DTD1: variants seen among roughly 807,000 people sequenced by gnomAD.
DTD1 encodes D-aminoacyl-tRNA deacylase 1.
DTD1 carries 13 observed loss-of-function variants against 25.6 expected under a neutral mutation model. The observed-to-expected ratio is 0.51, with a 90% CI of 0.33 to 0.81. The LOEUF (loss-of-function observed/expected upper bound fraction) is 0.81, where lower values mean the gene tolerates loss of function less well. Ranked by LOEUF, DTD1 falls within the 30% of genes least tolerant of loss-of-function variation. The pLI is 0.02. For missense variants in DTD1, 193 were observed against 266.4 expected (o/e 0.72, Z 1.92); for synonymous variants, 110 against 103.6 (o/e 1.06, Z -0.37).
At position 18,687,518 on chromosome 20, in the gene DTD1, T is replaced by C. The variant is rs186180061; in HGVS notation, c.478-56582T>C. On this transcript the variant is annotated intron_variant, in intron 4 of 5. Coordinates refer to ENST00000377452, the MANE Select transcript of DTD1 (RefSeq NM_080820.6). Reference sequence around the variant, plus strand: ...GTAAAAGGAGGTATTTATAGTGTATTATGTTTGTAAAACATAAATAAAGGG... The same window carrying C: ...GTAAAAGGAGGTATTTATAGTGTATCATGTTTGTAAAACATAAATAAAGGG... Among the ~76,000 whole-genome samples, 5 of 152,322 alleles carry C rather than the reference T, an allele frequency of 3.3e-5. No individual in the cohort carries two copies. The East Asian group carries it at 9.6e-4, about 29-fold the overall frequency.
At position 18,704,308 on chromosome 20, in the gene DTD1, G is replaced by A. The variant is rs57702948; in HGVS notation, c.478-39792G>A. On this transcript the variant is annotated intron_variant, in intron 4 of 5. Transcript: ENST00000377452. ...AGCCACCACGCCCAGCCAGTAGTTCGTAGCTTTACAGGCAGGTCATTTGGT... is the reference window on the plus strand; with the variant it reads ...AGCCACCACGCCCAGCCAGTAGTTCATAGCTTTACAGGCAGGTCATTTGGT... 9.0e-3 allele frequency among the ~76,000 whole-genome samples: 1,366 copies of A among 152,240 alleles called. 21 individuals are homozygous for A. Among genetic ancestry groups the A allele is most frequent in the African/African-American group, 0.031 (1,300 of 41,538 alleles).
At chr20:18,748,044 C>G (rs1181711222) in intron 5 of DTD1, among the ~76,000 whole-genome samples, 1 of 151,698 alleles carries the variant, frequency 6.6e-6, no homozygotes, top group Non-Finnish European at 1.5e-5. Context: ...ACGAACAAAA[C>G]AAAACAAAAA....
intron 5 of DTD1, among the ~76,000 whole-genome samples, chr20:18,752,692 G>A (rs185625675): frequency 2.6e-4 from 40 of 152,254 alleles, no homozygotes; most frequent in Non-Finnish European, 4.7e-4. Context: ...TCTGATTCTG[G>A]GGATCTTTTT....
intron 4 of DTD1, among the ~76,000 whole-genome samples, chr20:18,714,068 A>G (rs1015262515): frequency 6.6e-6 from 1 of 152,178 alleles, no homozygotes; most frequent in Admixed American, 6.5e-5. Flanking sequence ...CATCTGTCAG[A>G]TGGGGGTGAC....
intron 5 of DTD1, among the ~76,000 whole-genome samples, chr20:18,750,458 A>G (rs1287989795): frequency 1.3e-5 from 2 of 152,160 alleles, no homozygotes; most frequent in Non-Finnish European, 2.9e-5. Context: ...CCCTAAGGGG[A>G]GCAGCTTTGA....
At chr20:18,682,962 A>G (rs1228153471) in intron 4 of DTD1, among the ~76,000 whole-genome samples, 3 of 152,242 alleles carry the variant, frequency 2.0e-5, no homozygotes, top group Non-Finnish European at 2.9e-5. Context: ...TTCAGGACTC[A>G]TATTGTTGCC....
At chr20:18,600,542 G>A (rs907840050) in intron 3 of DTD1, among the ~76,000 whole-genome samples, 2 of 152,096 alleles carry the variant, frequency 1.3e-5, no homozygotes, top group African/African-American at 4.8e-5. Flanking sequence ...GTGTCAGCCC[G>A]TTAACTTTGT....
At position 18,615,452 on chromosome 20, in the gene DTD1, A is replaced by G. The variant is rs982933333; in HGVS notation, c.371-12675A>G. 9.8e-4 allele frequency among the ~76,000 whole-genome samples: 150 copies of G among 152,330 alleles called. 1 individual carries two copies. The highest frequency in any genetic ancestry group is 1.9e-4 in the Non-Finnish European group (13 of 68,024). Reference sequence around the variant, plus strand: ...GGAAACTGGGTCACTTGTATCCTCAACAGCCCTTCAGGGATCTCCAGCCTT... The same window carrying G: ...GGAAACTGGGTCACTTGTATCCTCAGCAGCCCTTCAGGGATCTCCAGCCTT... On this transcript the variant is annotated intron_variant, in intron 3 of 5. Coordinates refer to ENST00000377452, the MANE Select transcript of DTD1 (RefSeq NM_080820.6).
chr20:18,733,213 C>T (rs2061244612), intron 4 of DTD1, among the ~76,000 whole-genome samples: 1 of 152,178 alleles, frequency 6.6e-6, no homozygotes, highest in African/African-American at 2.4e-5. Context: ...CTTAGCACCC[C>T]ATGTCTCATT....
Position 18,733,444 on chromosome 20 carries a change from G to T in DTD1, c.478-10656G>T, listed in dbSNP as rs573183671. On this transcript the variant is annotated intron_variant, in intron 4 of 5. Transcript: ENST00000377452. ...AGTGGGCTCTGGCAGTGTCTGTGGT[G>T]GGGAGCTGACAAAGAGGTTTTGAGG... 9.2e-5 allele frequency among the ~76,000 whole-genome samples: 14 copies of T among 152,284 alleles called. No individual in the cohort carries two copies. In the South Asian group the frequency reaches 2.3e-3, roughly 25 times the overall value.
At chr20:18,646,343 G>A (rs1234952089) in intron 4 of DTD1, among the ~76,000 whole-genome samples, 1 of 152,188 alleles carries the variant, frequency 6.6e-6, no homozygotes, top group Non-Finnish European at 1.5e-5. Flanking sequence ...CATGGAGCTT[G>A]TGGGCCGCAT....
chr20:18,596,515 TTTGA>T (rs67799537), intron 3 of DTD1, among the ~76,000 whole-genome samples: 3,854 of 152,312 alleles, frequency 0.025, 73 homozygotes, highest in Non-Finnish European at 0.035. Flanking sequence ...GTGGTATTTC[TTTGA>T]TTGTTTAGCT....
At chr20:18,596,916 G>A (rs989755937) in intron 3 of DTD1, among the ~76,000 whole-genome samples, 13 of 152,168 alleles carry the variant, frequency 8.5e-5, no homozygotes, top group African/African-American at 2.9e-4. Flanking sequence ...TTCATTGTTG[G>A]ATTATAACTG....
At chr20:18,734,342 A>G (rs1191732597) in intron 4 of DTD1, among the ~76,000 whole-genome samples, 2 of 152,236 alleles carry the variant, frequency 1.3e-5, no homozygotes, top group Non-Finnish European at 2.9e-5. Flanking sequence ...GAAGGGAAAG[A>G]TGAATCTCTA....
chr20:18,731,353 GT>G (rs1402119974), intron 4 of DTD1, among the ~76,000 whole-genome samples: 5 of 152,064 alleles, frequency 3.3e-5, no homozygotes, highest in Non-Finnish European at 7.4e-5. Flanking sequence ...CATTAGTTTG[GT>G]TTTCTGTAGA....
At chr20:18,668,997 C>T (rs16979460) in intron 4 of DTD1, among the ~76,000 whole-genome samples, 1 of 152,040 alleles carries the variant, frequency 6.6e-6, no homozygotes, top group Non-Finnish European at 1.5e-5. Flanking sequence ...ATCTGAGAGG[C>T]GCAGCTCACC....
At chr20:18,730,126 C>T (rs1180868624) in intron 4 of DTD1, among the ~76,000 whole-genome samples, 2 of 152,092 alleles carry the variant, frequency 1.3e-5, no homozygotes, top group African/African-American at 4.8e-5. Flanking sequence ...TTGTTTACTG[C>T]AGCCATTTAT....
chr20:18,663,342 G>T (rs1428724202), intron 4 of DTD1, among the ~76,000 whole-genome samples: 2 of 151,616 alleles, frequency 1.3e-5, no homozygotes, highest in East Asian at 3.9e-4. Context: ...AACATGGCGA[G>T]ACTCTGTATC....
intron 4 of DTD1, among the ~76,000 whole-genome samples, chr20:18,735,718 G>A (rs2061252482): frequency 6.6e-6 from 1 of 152,166 alleles, no homozygotes; most frequent in South Asian, 2.1e-4. Flanking sequence ...CAAAGAATAA[G>A]TCTTGAGTTG....
Sources: allele counts gnomAD v4.1 joint callset (sites outside exome capture counted in the v4.1 genomes callset), GRCh38; gene constraint gnomAD v4.1.1; transcripts MANE v1.5; gene names NCBI Gene and HGNC (gene_info 2026-07-23, HGNC 2026-07-21).